The following INPP5F variants were observed in gnomAD, a reference collection of about 807,000 sequenced individuals.
The protein encoded by INPP5F is phosphatidylinositide 4-phosphatase SAC2.
In INPP5F, 97 loss-of-function variants were observed where a neutral mutation model predicts 137.2. That is an observed-to-expected ratio of 0.71 (90% confidence interval 0.60 to 0.84). The LOEUF (loss-of-function observed/expected upper bound fraction) is 0.84, where lower values mean the gene tolerates loss of function less well. Ranked by LOEUF, INPP5F falls within the 40% of genes least tolerant of loss-of-function variation. The pLI is 0.00. For synonymous variants in INPP5F, 504 were observed against 476.9 expected, an observed-to-expected ratio of 1.06 and a Z score of -0.74; for missense variants, 1,271 against 1,371.9, an observed-to-expected ratio of 0.93 and a Z score of 1.16.
At chr10:119,772,829 C>T (rs1849406398) in intron 2 of INPP5F, among the ~76,000 whole-genome samples, 1 of 151,986 alleles carries the variant, frequency 6.6e-6, no homozygotes, top group Non-Finnish European at 1.5e-5. Flanking sequence ...CCGCAACCTC[C>T]ACCTCCCGGG....
Position 119,827,226 on chromosome 10 carries a change from T to G in INPP5F, c.2845T>G (p.Leu949Val). The G allele has an allele frequency of 6.2e-7, 1 of 1,614,164 alleles. No homozygotes were observed. Among genetic ancestry groups the G allele is most frequent in the Non-Finnish European group, 8.5e-7 (1 of 1,180,034 alleles). Residue 949 changes from leucine to valine, a missense_variant, in exon 20 of 20, where the codon TTG becomes GTG. By Grantham distance (32) the Leu-to-Val change is conservative. Transcript: ENST00000650623. ...TCCTTCTGCTGGCGACGTACACATATTGACTGGCTTTGCCAAGCCTATGGA... is the reference window on the plus strand; with the variant it reads ...TCCTTCTGCTGGCGACGTACACATAGTGACTGGCTTTGCCAAGCCTATGGA... ...KSPSAGDVHI[L>V]TGFAKPMDIY...
chr10:119,794,999 C>T (rs1178460647), intron 6 of INPP5F, among the ~76,000 whole-genome samples: 8 of 132,526 alleles, frequency 6.0e-5, no homozygotes, highest in African/African-American at 1.7e-4. Context: ...CCTCACTTCC[C>T]GGATGGGGCG....
intron 1 of INPP5F, among the ~76,000 whole-genome samples, chr10:119,742,846 G>A (rs551450170): frequency 6.6e-6 from 1 of 152,084 alleles, no homozygotes; most frequent in African/African-American, 2.4e-5. Flanking sequence ...TACAAAATTA[G>A]CCCGGCGTGG....
chr10:119,822,372 G>A (rs1851601780), intron 16 of INPP5F, 59 bp from the exon 17 acceptor site: 4 of 925,480 alleles, frequency 4.3e-6, no homozygotes, highest in Non-Finnish European at 6.6e-6. Flanking sequence ...TGCCTTCCCT[G>A]ACAAGCCAAA....
chr10:119,761,313 A>G (rs1849002585), intron 2 of INPP5F, among the ~76,000 whole-genome samples: 1 of 152,252 alleles, frequency 6.6e-6, no homozygotes, highest in Non-Finnish European at 1.5e-5. Context: ...AGTAAGGAAC[A>G]GAGCAACCAG....
Position 119,818,289 on chromosome 10 carries a change from C to G in INPP5F, c.1887-2557C>G, listed in dbSNP as rs544596267. Among the ~76,000 whole-genome samples the G allele has an allele frequency of 2.6e-5, 4 of 152,374 alleles. No homozygotes were observed. The South Asian group carries it at 8.3e-4, about 32-fold the overall frequency. ...GGAAACCACGGACCTGCAGGGCCCG[C>G]CTCGCCTCTCCGCTAAGCCAAGTGG... On this transcript the variant is annotated intron_variant, in intron 15 of 19. Transcript: ENST00000650623.
intron 3 of INPP5F, among the ~76,000 whole-genome samples, chr10:119,790,403 C>G (rs1850098539): frequency 6.6e-6 from 1 of 152,166 alleles, no homozygotes; most frequent in Non-Finnish European, 1.5e-5. Context: ...GCAGGAGCAG[C>G]TTAAAGCTGT....
Position 119,796,836 on chromosome 10 carries a change from A to G in INPP5F, c.791A>G (p.Gln264Arg). 6.2e-7 allele frequency: 1 copy of G among 1,613,858 alleles called. No individual in the cohort carries two copies. The highest frequency in any genetic ancestry group is 8.5e-7 in the Non-Finnish European group (1 of 1,179,902). Residue 264 changes from glutamine (Q) to arginine (R), a missense_variant, in exon 7 of 20, where the codon CAG (glutamine) becomes CGG (arginine). Gln to Arg is a conservative substitution (Grantham distance 43, BLOSUM62 1). Around this residue, in one of 6 missense-constraint regions of INPP5F, gnomAD observed 593 missense variants for 712.4 expected, o/e 0.83. Transcript: ENST00000650623. The part of the protein sequence containing the change: ...DEKSSPETPP[Q>R]ESTCVDDIHP... Reference sequence around the variant, plus strand: ...AAAAGCAGCCCAGAGACCCCCCCTCAGGAGTCCACCTGTGTAGATGATATT... The same window carrying G: ...AAAAGCAGCCCAGAGACCCCCCCTCGGGAGTCCACCTGTGTAGATGATATT...
chr10:119,827,241 A>G lies in INPP5F; in HGVS notation c.2860A>G (p.Lys954Glu). 6.2e-7 allele frequency: 1 copy of G among 1,614,162 alleles called. No homozygotes were observed. Among genetic ancestry groups the G allele is most frequent in the Non-Finnish European group, 8.5e-7 (1 of 1,180,028 alleles). ...GDVHILTGFA[K>E]PMDIYCHRFV... ...CGTACACATATTGACTGGCTTTGCCAAGCCTATGGATATTTACTGCCACAG... is the reference window on the plus strand; with the variant it reads ...CGTACACATATTGACTGGCTTTGCCGAGCCTATGGATATTTACTGCCACAG... Residue 954 changes from lysine to glutamate, a missense_variant, in exon 20 of 20, where the codon AAG becomes GAG. By Grantham distance (56) the Lys-to-Glu change is moderately conservative. This residue lies in a region of INPP5F where 490 missense variants were observed against 443.7 expected (regional missense o/e 1.10). Transcript: ENST00000650623.
chr10:119,827,155 A>G lies in INPP5F; in HGVS notation c.2774A>G (p.His925Arg), dbSNP rs767669564. The G allele has an allele frequency of 2.6e-5, 42 of 1,614,114 alleles. No homozygotes were observed. Among genetic ancestry groups the G allele is most frequent in the Non-Finnish European group, 3.5e-5 (41 of 1,180,036 alleles). ...VHAPSEITVA[H>R]GSGLGKGQES... Reference sequence around the variant, plus strand: ...GCTCCTTCAGAGATTACTGTTGCTCATGGGAGTGGGCTTGGAAAAGGCCAG... The same window carrying G: ...GCTCCTTCAGAGATTACTGTTGCTCGTGGGAGTGGGCTTGGAAAAGGCCAG... Residue 925 changes from histidine to arginine, a missense_variant, in exon 20 of 20, where the codon CAT (histidine) becomes CGT (arginine). Coordinates refer to ENST00000650623, the MANE Select transcript of INPP5F (RefSeq NM_014937.4).
chr10:119,754,184 G>C (rs1848769041), intron 2 of INPP5F, among the ~76,000 whole-genome samples: 1 of 152,216 alleles, frequency 6.6e-6, no homozygotes, highest in Non-Finnish European at 1.5e-5. Flanking sequence ...GGGGACTCCT[G>C]GCCAGGGTCA....
intron 2 of INPP5F, among the ~76,000 whole-genome samples, chr10:119,770,963 A>G (rs991836864): frequency 4.6e-5 from 7 of 152,212 alleles, no homozygotes; most frequent in African/African-American, 1.7e-4. Context: ...TTTACATACC[A>G]TAAAATTAAC....
chr10:119,767,889 A>T (rs1034942), intron 2 of INPP5F, among the ~76,000 whole-genome samples: 2,371 of 152,318 alleles, frequency 0.016, 68 homozygotes, highest in African/African-American at 0.054. Flanking sequence ...ACCAACTATA[A>T]ATATATATAA....
chr10:119,760,607 T>C (rs774626306), intron 2 of INPP5F, among the ~76,000 whole-genome samples: 2 of 152,234 alleles, frequency 1.3e-5, no homozygotes, highest in Non-Finnish European at 2.9e-5. Flanking sequence ...CAAATTATTG[T>C]CAAAGCTAAT....
At chr10:119,804,678 T>G (rs1850704508) in intron 10 of INPP5F, among the ~76,000 whole-genome samples, 1 of 151,914 alleles carries the variant, frequency 6.6e-6, no homozygotes, top group East Asian at 1.9e-4. Flanking sequence ...TGATACTTCT[T>G]TCTCGATGGG....
At chr10:119,811,050 A>C (rs1053601315) in intron 14 of INPP5F, among the ~76,000 whole-genome samples, 3 of 152,242 alleles carry the variant, frequency 2.0e-5, no homozygotes, top group African/African-American at 7.2e-5. Context: ...TTGATATTCA[A>C]GGAAAAAAGA....
At chr10:119,797,754 A>G (rs1025517604) in intron 8 of INPP5F, 114 bp downstream of exon 8, 5 of 701,106 alleles carry the variant, frequency 7.1e-6, no homozygotes, top group South Asian at 5.7e-5. Context: ...TTTCAAAACG[A>G]TAACTTGTAT....
intron 1 of INPP5F, among the ~76,000 whole-genome samples, chr10:119,742,816 A>AAC (rs972595030): frequency 4.6e-5 from 7 of 152,054 alleles, no homozygotes; most frequent in African/African-American, 1.4e-4. Flanking sequence ...AACATGGTGA[A>AAC]ACCTCGTCTC....
chr10:119,771,637 G>C (rs12771043), intron 2 of INPP5F, among the ~76,000 whole-genome samples: 6,545 of 151,416 alleles, frequency 0.043, 238 homozygotes, highest in South Asian at 0.22. Context: ...CTTCCCAAGT[G>C]TATAGACTAC....
Sources: gnomAD v4.1 joint callset for allele counts (sites outside exome capture counted in the v4.1 genomes callset) on GRCh38, gnomAD v4.1.1 for gene constraint, gnomAD v4.1.1 regional missense constraint, MANE v1.5 for transcripts, NCBI Gene and HGNC (gene_info 2026-07-23, HGNC 2026-07-21) for gene names.